The following STRN variants were observed in gnomAD, a reference collection of about 807,000 sequenced individuals.
STRN encodes protein phosphatase 2 regulatory subunit B'''alpha.
In STRN, 53 loss-of-function variants were observed where a neutral mutation model predicts 96.3. That is an observed-to-expected ratio of 0.55 (90% CI 0.44 to 0.69). STRN has a LOEUF of 0.69. STRN is among the 30% of genes least tolerant of loss of function. The pLI is 0.00. For synonymous variants in STRN, 428 were observed against 355.9 expected (o/e 1.20, Z -2.28); for missense variants, 987 against 963.9 (o/e 1.02, Z -0.32).
intron 6 of STRN, among the ~76,000 whole-genome samples, chr2:36,896,524 C>T (rs998581101): frequency 2.0e-5 from 3 of 152,058 alleles, no homozygotes; most frequent in Admixed American, 6.5e-5. Flanking sequence ...CTTCTACCTT[C>T]GATGAGCTTA....
intron 15 of STRN, among the ~76,000 whole-genome samples, chr2:36,852,143 T>A (rs1408994305): frequency 6.6e-6 from 1 of 152,192 alleles, no homozygotes; most frequent in Non-Finnish European, 1.5e-5. Context: ...ATCACACAAC[T>A]GTCAAAATTG....
chr2:36,915,741 T>C (rs1162612805), intron 3 of STRN, among the ~76,000 whole-genome samples: 1 of 152,224 alleles, frequency 6.6e-6, no homozygotes, highest in East Asian at 1.9e-4. Context: ...GAGCATGATG[T>C]ACTTTGTACT....
chr2:36,852,428 G>A (rs1270593281), intron 15 of STRN, among the ~76,000 whole-genome samples: 1 of 152,070 alleles, frequency 6.6e-6, no homozygotes, highest in African/African-American at 2.4e-5. Context: ...TTAAGTTTCC[G>A]GATTTTGATC....
At position 36,915,279 on chromosome 2, in the gene STRN, T is replaced by C. The variant is rs565307418; in HGVS notation, c.412+799A>G. On this transcript the variant is annotated intron_variant, in intron 3 of 17. Coordinates refer to ENST00000263918, the MANE Select transcript of STRN (RefSeq NM_003162.4). ...TATATATATATATATATATAAAGCC[T>C]CTAGCACAAGGTACGTATTTCAGTA... Among the ~76,000 whole-genome samples, 36 of 106,844 alleles carry C rather than the reference T, an allele frequency of 3.4e-4. 1 individual carries two copies. The Admixed American group carries it at 3.6e-3, about 11-fold the overall frequency. 70.1% of individuals were successfully genotyped at this position (106,844 alleles called of 152,430 possible).
intron 1 of STRN, among the ~76,000 whole-genome samples, chr2:36,958,616 A>G (rs370300765): frequency 2.6e-5 from 4 of 152,252 alleles, no homozygotes; most frequent in Non-Finnish European, 5.9e-5. Context: ...AGAATAAATT[A>G]TCGAGAATAA....
chr2:36,910,918 G>A (rs958291677), intron 3 of STRN, among the ~76,000 whole-genome samples: 1 of 151,916 alleles, frequency 6.6e-6, no homozygotes, highest in Non-Finnish European at 1.5e-5. Flanking sequence ...GAAATATGAA[G>A]GTCTGGACGT....
intron 1 of STRN, among the ~76,000 whole-genome samples, chr2:36,964,433 C>A (rs577361295): frequency 6.6e-6 from 1 of 152,062 alleles, no homozygotes; most frequent in Admixed American, 6.5e-5. Context: ...AAATCCACAC[C>A]TTTTATAGAA....
At chr2:36,950,928 ATTAT>A (rs897784339) in intron 1 of STRN, among the ~76,000 whole-genome samples, 12 of 152,328 alleles carry the variant, frequency 7.9e-5, no homozygotes, top group Admixed American at 6.5e-4. Context: ...AGGCATTTAT[ATTAT>A]TTATTTTAAA....
At chr2:36,902,344 T>C (rs1158480742) in intron 5 of STRN, among the ~76,000 whole-genome samples, 1 of 152,166 alleles carries the variant, frequency 6.6e-6, no homozygotes, top group Admixed American at 6.5e-5. Context: ...ATTAAGTCAA[T>C]ATACTAAAAT....
In STRN at chr2:36,840,926, A is replaced by G. The variant is rs1239404595; in HGVS notation, c.*8530T>C. The G allele has an allele frequency of 6.6e-6, 1 of 152,190 alleles. No individual in the cohort carries two copies. Among genetic ancestry groups the G allele is most frequent in the African/African-American group, 2.4e-5 (1 of 41,454 alleles). 9.4% of individuals were successfully genotyped at this position (152,190 alleles called of 1,614,324 possible). Reference sequence around the variant, plus strand: ...ATTCCTTATTAATCTTTGTATTCCAAAAATAATTTCTGAAAATCACAGGAA... The same window carrying G: ...ATTCCTTATTAATCTTTGTATTCCAGAAATAATTTCTGAAAATCACAGGAA... On this transcript the variant is annotated 3_prime_UTR_variant, in exon 18 of 18. Transcript: ENST00000263918.
intron 5 of STRN, among the ~76,000 whole-genome samples, chr2:36,902,124 T>C (rs957678137): frequency 6.6e-6 from 1 of 152,190 alleles, no homozygotes; most frequent in African/African-American, 2.4e-5. Flanking sequence ...ACACTTACGC[T>C]GTCACTTCAA....
intron 10 of STRN, among the ~76,000 whole-genome samples, chr2:36,875,983 C>A (rs1308259312): frequency 1.3e-5 from 2 of 151,980 alleles, no homozygotes; most frequent in Non-Finnish European, 2.9e-5. Context: ...AAATCTTTAT[C>A]AGGTCAGGCA....
At chr2:36,886,863 A>G (rs1165979419) in intron 7 of STRN, 37 bp from the exon 8 acceptor site, 3 of 1,547,282 alleles carry the variant, frequency 1.9e-6, no homozygotes, top group African/African-American at 1.4e-5. Flanking sequence ...GCCTTTTTCA[A>G]TAAAATATTG....
Position 36,945,380 on chromosome 2 carries a change from T to C in STRN, c.235-20172A>G, listed in dbSNP as rs532689948. On this transcript the variant is annotated intron_variant, in intron 1 of 17. Transcript: ENST00000263918. ...TACATAATGACTTTATATTTAAGAA[T>C]GCAGAGGTCAGGCATGGTGGCTCGC... Among the ~76,000 whole-genome samples, 13 of 152,182 alleles carry C rather than the reference T, an allele frequency of 8.5e-5. No homozygotes were observed. The South Asian group carries it at 2.7e-3, about 32-fold the overall frequency.
intron 10 of STRN, among the ~76,000 whole-genome samples, chr2:36,871,126 T>C (rs1262409632): frequency 6.6e-6 from 1 of 152,166 alleles, no homozygotes; most frequent in Non-Finnish European, 1.5e-5. Context: ...AAAGTAAAGA[T>C]TATAGTAAGC....
intron 1 of STRN, among the ~76,000 whole-genome samples, chr2:36,949,989 C>T (rs1236735847): frequency 6.6e-6 from 1 of 151,738 alleles, no homozygotes; most frequent in East Asian, 1.9e-4. Context: ...AGCAAGATCA[C>T]AAGAGACTGA....
At chr2:36,956,316 C>T (rs1664886767) in intron 1 of STRN, among the ~76,000 whole-genome samples, 1 of 152,110 alleles carries the variant, frequency 6.6e-6, no homozygotes, top group African/African-American at 2.4e-5. Context: ...AACCTTACAG[C>T]GATCCTGCTT....
intron 14 of STRN, among the ~76,000 whole-genome samples, chr2:36,855,696 T>G (rs1275342258): frequency 6.6e-6 from 1 of 152,208 alleles, no homozygotes; most frequent in Non-Finnish European, 1.5e-5. Flanking sequence ...ATAGTGGGAA[T>G]TCTTCATTTT....
chr2:36,959,480 C>T (rs1664977152), intron 1 of STRN, among the ~76,000 whole-genome samples: 1 of 152,200 alleles, frequency 6.6e-6, no homozygotes, highest in African/African-American at 2.4e-5. Flanking sequence ...TAAGTGACAG[C>T]TTGTACAAAA....
Sources: allele counts gnomAD v4.1 joint callset (sites outside exome capture counted in the v4.1 genomes callset), GRCh38; gene constraint gnomAD v4.1.1; transcripts MANE v1.5; gene names NCBI Gene and HGNC (gene_info 2026-07-23, HGNC 2026-07-21).